CFAP20DC: variants seen among roughly 807,000 people sequenced by gnomAD.
CFAP20DC encodes protein CFAP20DC.
A neutral mutation model predicts 101.7 loss-of-function variants in CFAP20DC; 84 were observed. The observed-to-expected ratio is 0.83, with a 90% CI of 0.69 to 0.99. The LOEUF is 0.99. Ranked by LOEUF, CFAP20DC falls within the 50% of genes least tolerant of loss-of-function variation. CFAP20DC has a pLI of 0.00. For missense variants in CFAP20DC, 1,007 were observed against 970.3 expected, an observed-to-expected ratio of 1.04 and a Z score of -0.50; for synonymous variants, 359 against 351.2, an observed-to-expected ratio of 1.02 and a Z score of -0.25.
chr3:58,966,133 G>A (rs1441335647), intron 4 of CFAP20DC, among the ~76,000 whole-genome samples: 1 of 152,172 alleles, frequency 6.6e-6, no homozygotes, highest in Non-Finnish European at 1.5e-5. Flanking sequence ...TCCTAAATGT[G>A]CTCATGTGGT....
intron 3 of CFAP20DC, among the ~76,000 whole-genome samples, chr3:59,040,513 G>A (rs1699270297): frequency 6.6e-6 from 1 of 151,774 alleles, no homozygotes; most frequent in South Asian, 2.1e-4. Context: ...GGACTTTTTG[G>A]GTAGAAAATG....
chr3:58,992,159 C>T (rs1447943274), intron 4 of CFAP20DC, among the ~76,000 whole-genome samples: 1 of 152,118 alleles, frequency 6.6e-6, no homozygotes, highest in African/African-American at 2.4e-5. Flanking sequence ...AATGGTAAAG[C>T]TGAGATTCAA....
At chr3:58,924,935 T>A (rs1038460644) in intron 5 of CFAP20DC, among the ~76,000 whole-genome samples, 1 of 152,156 alleles carries the variant, frequency 6.6e-6, no homozygotes, top group African/African-American at 2.4e-5. Context: ...TTTGTTTTTT[T>A]CTTGTTATCT....
In CFAP20DC at chr3:58,962,983, A is replaced by C. The variant is rs573727836; in HGVS notation, c.279-25221T>G. On this transcript the variant is annotated intron_variant, in intron 4 of 16. Transcript: ENST00000482387. ...GCTGTGATGTTGGCCTTTTCTATTC[A>C]TATACCACCAACATTGCTAAGGTTT... is the stretch of plus-strand genomic sequence containing the variant. 3.7e-4 allele frequency among the ~76,000 whole-genome samples: 56 copies of C among 152,036 alleles called. 1 individual carries two copies. Among genetic ancestry groups the C allele is most frequent in the Non-Finnish European group, 6.6e-4 (45 of 68,004 alleles).
chr3:58,993,603 A>G (rs565556505), intron 4 of CFAP20DC, among the ~76,000 whole-genome samples: 1 of 152,102 alleles, frequency 6.6e-6, no homozygotes, highest in African/African-American at 2.4e-5. Context: ...ATCCTCCAAC[A>G]GGCCCTAGTG....
rs1410326402 is a variant in CFAP20DC, at chr3:58,890,814, A to G, written c.551-6105T>C. On this transcript the variant is annotated intron_variant, in intron 6 of 16. Coordinates refer to ENST00000482387, the MANE Select transcript of CFAP20DC (RefSeq NM_001394063.1). Reference sequence around the variant, plus strand: ...GCGGCGGGGCAGAGGCGCTCCCCACATCTCAGACGATGGGCCGCCGGGCAG... The same window carrying G: ...GCGGCGGGGCAGAGGCGCTCCCCACGTCTCAGACGATGGGCCGCCGGGCAG... 6.9e-5 allele frequency among the ~76,000 whole-genome samples: 10 copies of G among 144,830 alleles called. No individual in the cohort carries two copies. In the South Asian group the frequency reaches 2.0e-3, roughly 29 times the overall value.
intron 12 of CFAP20DC, among the ~76,000 whole-genome samples, chr3:58,855,267 C>G (rs966352944): frequency 6.6e-6 from 1 of 152,172 alleles, no homozygotes; most frequent in African/African-American, 2.4e-5. Flanking sequence ...CAGAGAAATG[C>G]AACTCAGAAC....
chr3:58,855,704 A>C (rs2078721059), intron 12 of CFAP20DC, among the ~76,000 whole-genome samples: 1 of 152,024 alleles, frequency 6.6e-6, no homozygotes, highest in Admixed American at 6.6e-5. Context: ...ATGAAATTGG[A>C]AATCATCATT....
At chr3:59,047,897 A>G (rs574206935) in intron 1 of CFAP20DC, among the ~76,000 whole-genome samples, 1 of 152,336 alleles carries the variant, frequency 6.6e-6, no homozygotes, top group East Asian at 1.9e-4. Context: ...GTACTGGTCA[A>G]TAAAAAGGCC....
chr3:58,719,607 T>G (rs896735299), intron 3 of CFAP20DC, among the ~76,000 whole-genome samples: 7 of 152,198 alleles, frequency 4.6e-5, no homozygotes, highest in Admixed American at 6.5e-5. Flanking sequence ...TCTCACCTGG[T>G]TGGGGCTGGG....
chr3:58,848,589 A>G (rs752799204), intron 13 of CFAP20DC, among the ~76,000 whole-genome samples: 7 of 152,162 alleles, frequency 4.6e-5, no homozygotes, highest in African/African-American at 1.2e-4. Flanking sequence ...ACCTTCACTC[A>G]TATCATTTAT....
At chr3:58,961,908 C>T (rs539818102) in intron 4 of CFAP20DC, among the ~76,000 whole-genome samples, 39 of 152,174 alleles carry the variant, frequency 2.6e-4, no homozygotes, top group African/African-American at 8.7e-4. Context: ...TGTGTCTCCT[C>T]TCTTATTTTC....
chr3:58,782,096 T>C lies in CFAP20DC; in HGVS notation c.2237+24299A>G, dbSNP rs572042078. 5.8e-4 allele frequency among the ~76,000 whole-genome samples: 89 copies of C among 152,196 alleles called. 1 individual carries two copies. In the South Asian group the frequency reaches 7.2e-3, roughly 12 times the overall value. On this transcript the variant is annotated intron_variant, in intron 15 of 16. Coordinates refer to ENST00000482387, the MANE Select transcript of CFAP20DC (RefSeq NM_001394063.1). ...ATATACAAAGATCAAGCGGGATTTA[T>C]CCTAGGGATGCAAGGATCAACCTAT...
At chr3:58,743,527 C>T (rs1362287461) in intron 16 of CFAP20DC, among the ~76,000 whole-genome samples, 1 of 152,158 alleles carries the variant, frequency 6.6e-6, no homozygotes, top group Non-Finnish European at 1.5e-5. Flanking sequence ...CGAAACCAAA[C>T]CAAAACCAAA....
At chr3:58,723,039 T>C (rs957825145) in intron 3 of CFAP20DC, among the ~76,000 whole-genome samples, 2 of 152,256 alleles carry the variant, frequency 1.3e-5, no homozygotes, top group African/African-American at 2.4e-5. Flanking sequence ...TACTAGTGAT[T>C]ATTCTTTTCA....
intron 16 of CFAP20DC, among the ~76,000 whole-genome samples, chr3:58,745,876 C>T (rs2107172183): frequency 6.6e-6 from 1 of 152,218 alleles, no homozygotes; most frequent in East Asian, 1.9e-4. Flanking sequence ...CTGCTCTGAG[C>T]CCCAGCTTCC....
intron 15 of CFAP20DC, among the ~76,000 whole-genome samples, chr3:58,800,624 A>G (rs2073618111): frequency 6.6e-6 from 1 of 152,204 alleles, no homozygotes; most frequent in African/African-American, 2.4e-5. Flanking sequence ...TTGTTGGAAT[A>G]TAGGAATATT....
chr3:58,877,117 T>G (rs1576083479), intron 7 of CFAP20DC, among the ~76,000 whole-genome samples: 1 of 152,184 alleles, frequency 6.6e-6, no homozygotes. Flanking sequence ...AAATATGCTA[T>G]TAACACCTTC....
At chr3:59,034,281 C>T (rs968248505) in intron 4 of CFAP20DC, among the ~76,000 whole-genome samples, 11 of 152,156 alleles carry the variant, frequency 7.2e-5, no homozygotes, top group Middle Eastern at 3.2e-3. Flanking sequence ...GAAGAAATTG[C>T]ATCAACTAAG....
Sources: allele counts gnomAD v4.1 joint callset (sites outside exome capture counted in the v4.1 genomes callset), GRCh38; gene constraint gnomAD v4.1.1; transcripts MANE v1.5; gene names NCBI Gene and HGNC (gene_info 2026-07-23, HGNC 2026-07-21).